The following CBLB variants were observed in gnomAD, a reference collection of about 807,000 sequenced individuals.
CBLB encodes the protein E3 ubiquitin-protein ligase CBL-B.
CBLB carries 31 observed loss-of-function variants against 104.9 expected under a neutral mutation model. The observed-to-expected ratio is 0.30, with a 90% confidence interval of 0.22 to 0.40. The LOEUF (loss-of-function observed/expected upper bound fraction) is 0.40, where lower values mean the gene tolerates loss of function less well. Among genes scored for constraint, CBLB ranks in the 10% least tolerant of loss-of-function variants. CBLB has a pLI of 1.00. For synonymous variants in CBLB, 440 were observed against 422.6 expected (o/e 1.04, Z -0.51); for missense variants, 1,062 against 1,214.6 (o/e 0.87, Z 1.87).
Position 105,765,922 on chromosome 3 carries a change from G to A in CBLB, c.566+10474C>T, listed in dbSNP as rs534430252. On this transcript the variant is annotated intron_variant, in intron 4 of 18. Transcript: ENST00000394030. ...ATTATTTAAGAAATACATTTCCTAC[G>A]GCTATAGCTGTCATATATTGTGATA... Among the ~76,000 whole-genome samples, 13 of 152,202 alleles carry A rather than the reference G, an allele frequency of 8.5e-5. No homozygotes were observed. In the East Asian group the frequency reaches 2.1e-3, roughly 25 times the overall value.
chr3:105,660,110 C>A (rs1559712018), intron 18 of CBLB, among the ~76,000 whole-genome samples: 1 of 152,132 alleles, frequency 6.6e-6, no homozygotes, highest in Non-Finnish European at 1.5e-5. Flanking sequence ...CTTGACAGGG[C>A]ACTTTCATCA....
At chr3:105,678,175 T>G (rs2065877678) in intron 17 of CBLB, among the ~76,000 whole-genome samples, 1 of 152,202 alleles carries the variant, frequency 6.6e-6, no homozygotes, top group Admixed American at 6.5e-5. Flanking sequence ...ATAAGGAGGT[T>G]TCTGGACTGG....
intron 9 of CBLB, among the ~76,000 whole-genome samples, chr3:105,725,791 A>G (rs908638999): frequency 6.6e-6 from 1 of 152,226 alleles, no homozygotes; most frequent in Admixed American, 6.5e-5. Context: ...CTGAGGCTAG[A>G]AATGTGAAGA....
At chr3:105,796,371 C>T (rs769462365) in intron 3 of CBLB, among the ~76,000 whole-genome samples, 2 of 152,128 alleles carry the variant, frequency 1.3e-5, no homozygotes, top group Non-Finnish European at 2.9e-5. Flanking sequence ...TAAATGGGTG[C>T]TAGGCAAACT....
At chr3:105,664,659 T>C (rs1576129527) in intron 18 of CBLB, among the ~76,000 whole-genome samples, 2 of 152,342 alleles carry the variant, frequency 1.3e-5, no homozygotes, top group Admixed American at 1.3e-4. Context: ...AGATCTCCTC[T>C]GATACTCTTA....
rs536963233 is a variant in CBLB at position 105,670,400 on chromosome 3, T to C, written c.2570-48A>G. The stretch of plus-strand genomic sequence containing the variant: ...AAATTAAAAGGATGATCTCTGTTGA[T>C]TGGCTGAAGAAAAAAATTCTAGAAT... On this transcript the variant is annotated intron_variant, in intron 17 of 18. Transcript: ENST00000394030. The C allele has an allele frequency of 8.6e-5, 130 of 1,504,670 alleles. No homozygotes were observed. The East Asian group carries it at 1.6e-3, about 19-fold the overall frequency. The allele number at this position is 1,504,670 out of a possible 1,614,324, so 93.2% of individuals were successfully genotyped here. A position where few individuals can be genotyped will look rare whatever the true frequency, so the allele number is the denominator to read the frequency against.
intron 2 of CBLB, among the ~76,000 whole-genome samples, chr3:105,859,742 GTA>G (rs1184512775): frequency 2.0e-5 from 3 of 150,884 alleles, no homozygotes; most frequent in Non-Finnish European, 4.4e-5. Context: ...GTGACCTAAA[GTA>G]TATATATATC....
intron 3 of CBLB, among the ~76,000 whole-genome samples, chr3:105,815,747 CAT>C (rs973852589): frequency 2.6e-5 from 4 of 152,088 alleles, no homozygotes; most frequent in South Asian, 2.1e-4. Context: ...CACATGCACA[CAT>C]GTTTATTGCA....
chr3:105,797,315 A>G (rs79353459), intron 3 of CBLB, among the ~76,000 whole-genome samples: 11,311 of 152,226 alleles, frequency 0.074, 581 homozygotes, highest in East Asian at 0.29. Context: ...CATTATCTGA[A>G]GCAAACTAAT....
chr3:105,793,334 G>A (rs1011875523), intron 3 of CBLB, among the ~76,000 whole-genome samples: 4 of 152,082 alleles, frequency 2.6e-5, no homozygotes, highest in East Asian at 1.9e-4. Flanking sequence ...AGCTGGCCCT[G>A]GAGTAATAAG....
intron 9 of CBLB, among the ~76,000 whole-genome samples, chr3:105,733,534 T>C (rs921085736): frequency 2.0e-5 from 3 of 152,178 alleles, no homozygotes; most frequent in Non-Finnish European, 2.9e-5. Context: ...GAACTATAAG[T>C]GTTTGAGAGA....
chr3:105,685,492 T>C, intron 13 of CBLB, 26 bp from the exon 14 acceptor site: 1 of 1,599,496 alleles, frequency 6.3e-7, no homozygotes, highest in East Asian at 2.2e-5. Flanking sequence ...AAATCCAATC[T>C]AGTTTAAGCA....
chr3:105,780,653 G>GTTTTT (rs1245925965), intron 3 of CBLB, among the ~76,000 whole-genome samples: 8 of 84,690 alleles, frequency 9.4e-5, no homozygotes, highest in African/African-American at 1.6e-4. Context: ...TAAAAGTTTT[G>GTTTTT]TTTTTTGTTT....
chr3:105,832,574 G>A (rs2087732822), intron 3 of CBLB, among the ~76,000 whole-genome samples: 1 of 152,152 alleles, frequency 6.6e-6, no homozygotes, highest in Non-Finnish European at 1.5e-5. Flanking sequence ...ATACCAGATT[G>A]ACAGGTCCAG....
chr3:105,727,392 CTTTG>C (rs1307566544), intron 9 of CBLB, among the ~76,000 whole-genome samples: 2 of 151,534 alleles, frequency 1.3e-5, no homozygotes, highest in Admixed American at 6.6e-5. Flanking sequence ...CACTTTTTGA[CTTTG>C]TTTTTTTTTC....
At chr3:105,667,844 A>C (rs2064644300) in intron 18 of CBLB, among the ~76,000 whole-genome samples, 1 of 152,214 alleles carries the variant, frequency 6.6e-6, no homozygotes, top group Admixed American at 6.6e-5. Context: ...ATCATACCAG[A>C]ACCCCATTTG....
chr3:105,720,475 T>C (rs1400321738), intron 9 of CBLB, among the ~76,000 whole-genome samples: 1 of 152,138 alleles, frequency 6.6e-6, no homozygotes, highest in Non-Finnish European at 1.5e-5. Context: ...AATAAAGTTT[T>C]AAGAAAGTTT....
At chr3:105,810,500 G>A (rs1252040759) in intron 3 of CBLB, among the ~76,000 whole-genome samples, 1 of 151,798 alleles carries the variant, frequency 6.6e-6, no homozygotes, top group Non-Finnish European at 1.5e-5. Flanking sequence ...TTTTTGCACG[G>A]GTATAACTTA....
intron 3 of CBLB, among the ~76,000 whole-genome samples, chr3:105,836,007 C>T (rs1426837657): frequency 6.6e-6 from 1 of 152,210 alleles, no homozygotes; most frequent in Non-Finnish European, 1.5e-5. Flanking sequence ...TACATCTACA[C>T]TGATCTTCCA....
Sources: gnomAD v4.1 joint callset for allele counts (sites outside exome capture counted in the v4.1 genomes callset) on GRCh38, gnomAD v4.1.1 for gene constraint, MANE v1.5 for transcripts, NCBI Gene and HGNC (gene_info 2026-07-23, HGNC 2026-07-21) for gene names.